DENND1A: variants seen among roughly 807,000 people sequenced by gnomAD.
The protein encoded by DENND1A is DENN domain containing 1A, also known as DENN domain-containing protein 1A.
DENND1A carries 51 observed loss-of-function variants against 113.7 expected under a neutral mutation model. That is an observed-to-expected ratio of 0.45 (90% confidence interval 0.36 to 0.57). The LOEUF is 0.57. Among genes scored for constraint, DENND1A ranks in the 20% least tolerant of loss-of-function variants. The probability of loss-of-function intolerance (pLI) is 0.00; values close to 1 mark genes in which losing one functional copy is unlikely to be tolerated. For synonymous variants in DENND1A, 565 were observed against 570.8 expected (o/e 0.99, Z 0.14); for missense variants, 1,258 against 1,395.9 (o/e 0.90, Z 1.57).
intron 14 of DENND1A, 34 bp from the exon 15 acceptor site, chr9:123,457,469 GTA>G: frequency 6.5e-7 from 1 of 1,546,108 alleles, no homozygotes. Flanking sequence ...ACAACAGCTC[GTA>G]CAAAGAAAAG....
intron 13 of DENND1A, among the ~76,000 whole-genome samples, chr9:123,553,661 C>T (rs373598140): frequency 7.2e-5 from 11 of 152,226 alleles, no homozygotes; most frequent in Admixed American, 1.3e-4. Context: ...ACAAAAGAAA[C>T]GAAAAATCCT....
chr9:123,796,523 C>G (rs1207529498), intron 2 of DENND1A, among the ~76,000 whole-genome samples: 4 of 152,044 alleles, frequency 2.6e-5, no homozygotes, highest in Non-Finnish European at 5.9e-5. Flanking sequence ...TAAGATATAC[C>G]AGATTGCTAC....
At chr9:123,385,398 C>T (rs1208666345) in intron 22 of DENND1A, among the ~76,000 whole-genome samples, 11 of 152,258 alleles carry the variant, frequency 7.2e-5, no homozygotes, top group African/African-American at 2.2e-4. Context: ...CTCCTGACCT[C>T]GTGATCTGCC....
intron 13 of DENND1A, among the ~76,000 whole-genome samples, chr9:123,535,300 G>T (rs888053113): frequency 6.6e-6 from 1 of 152,196 alleles, no homozygotes. Context: ...GACTCTCACA[G>T]CTGGGCATGG....
intron 5 of DENND1A, among the ~76,000 whole-genome samples, chr9:123,693,706 G>T (rs956055998): frequency 6.6e-6 from 1 of 151,838 alleles, no homozygotes. Flanking sequence ...ACCCCATGGT[G>T]CTAGCTGCCA....
intron 13 of DENND1A, among the ~76,000 whole-genome samples, chr9:123,549,759 C>T (rs1237437278): frequency 1.3e-5 from 2 of 151,850 alleles, no homozygotes; most frequent in South Asian, 4.2e-4. Flanking sequence ...TAAATGGGGG[C>T]GGGGAACTAA....
At chr9:123,819,826 C>T (rs1184657063) in intron 2 of DENND1A, among the ~76,000 whole-genome samples, 1 of 152,160 alleles carries the variant, frequency 6.6e-6, no homozygotes, top group Non-Finnish European at 1.5e-5. Flanking sequence ...TGTGAGCCAC[C>T]ATGCCCAGCT....
intron 12 of DENND1A, among the ~76,000 whole-genome samples, chr9:123,561,013 C>T (rs1327827296): frequency 8.5e-5 from 13 of 152,126 alleles, no homozygotes. Context: ...AAATACTACC[C>T]ACTCCCTGCC....
chr9:123,714,459 G>A (rs111397557), intron 5 of DENND1A, among the ~76,000 whole-genome samples: 23,759 of 151,866 alleles, frequency 0.16, 2,120 homozygotes, highest in African/African-American at 0.26. Flanking sequence ...AAAATTAGCC[G>A]GGTGTGGTGG....
At chr9:123,738,443 CTG>C (rs59851560) in intron 5 of DENND1A, among the ~76,000 whole-genome samples, 11,827 of 143,012 alleles carry the variant, frequency 0.083, 703 homozygotes, top group African/African-American at 0.18. Flanking sequence ...TCAACAGCTT[CTG>C]TGTGTGTGTG....
chr9:123,711,503 A>ATATG, intron 5 of DENND1A, among the ~76,000 whole-genome samples: 1 of 72,316 alleles, frequency 1.4e-5, no homozygotes, highest in African/African-American at 8.9e-5. Flanking sequence ...ATATATATAT[A>ATATG]TGTATATATG....
intron 5 of DENND1A, among the ~76,000 whole-genome samples, chr9:123,747,008 C>T (rs117026123): frequency 0.03 from 4,621 of 152,022 alleles, 115 homozygotes; most frequent in South Asian, 0.048. Flanking sequence ...TCTTTAGAGT[C>T]TGTTTTGGCT....
At chr9:123,656,126 T>C (rs1438298238) in intron 8 of DENND1A, among the ~76,000 whole-genome samples, 1 of 152,280 alleles carries the variant, frequency 6.6e-6, no homozygotes. Flanking sequence ...GAGAAGACAT[T>C]TGGTCTGGGC....
chr9:123,663,663 G>A (rs181696200), intron 8 of DENND1A, among the ~76,000 whole-genome samples: 2 of 151,894 alleles, frequency 1.3e-5, no homozygotes, highest in South Asian at 2.1e-4. Context: ...GGTTGGAGGG[G>A]GTGGTGGTAA....
intron 2 of DENND1A, among the ~76,000 whole-genome samples, chr9:123,795,395 T>C (rs563329223): frequency 3.9e-5 from 6 of 152,352 alleles, no homozygotes; most frequent in South Asian, 2.1e-4. Flanking sequence ...AATATCGACA[T>C]TGGAAACATC....
intron 2 of DENND1A, among the ~76,000 whole-genome samples, chr9:123,830,294 G>A (rs1839976811): frequency 6.6e-6 from 1 of 152,010 alleles, no homozygotes; most frequent in Non-Finnish European, 1.5e-5. Context: ...TTTAAGAAAA[G>A]CAAAACTAAT....
At chr9:123,847,641 A>C (rs181810452) in intron 2 of DENND1A, among the ~76,000 whole-genome samples, 14 of 152,342 alleles carry the variant, frequency 9.2e-5, no homozygotes, top group Admixed American at 4.6e-4. Context: ...AGACATAAAG[A>C]ACAAAGAAAA....
At chr9:123,425,672 T>C (rs1045510136) in intron 19 of DENND1A, among the ~76,000 whole-genome samples, 13 of 152,206 alleles carry the variant, frequency 8.5e-5, no homozygotes, top group African/African-American at 3.1e-4. Flanking sequence ...GTGCCAAGGA[T>C]ACAGAGAAGG....
At chr9:123,444,755 G>A (rs1397559399) in intron 18 of DENND1A, among the ~76,000 whole-genome samples, 2 of 152,174 alleles carry the variant, frequency 1.3e-5, no homozygotes, top group Non-Finnish European at 2.9e-5. Context: ...ATTATTTTTT[G>A]TTCCTCTGAT....
Sources: allele counts gnomAD v4.1 joint callset (sites outside exome capture counted in the v4.1 genomes callset), GRCh38; gene constraint gnomAD v4.1.1; transcripts MANE v1.5; gene names NCBI Gene and HGNC (gene_info 2026-07-23, HGNC 2026-07-21).